ADCY3: variants seen among roughly 807,000 people sequenced by gnomAD.
The protein encoded by ADCY3 is adenylate cyclase type 3.
Under a neutral mutation model 119.4 loss-of-function variants are expected in ADCY3, and 70 were observed. The ratio of observed to expected loss-of-function variants is 0.59; its 90% confidence interval spans 0.48 to 0.72. ADCY3 has a LOEUF of 0.72. Ranked by LOEUF, ADCY3 falls within the 30% of genes least tolerant of loss-of-function variation. ADCY3 has a pLI of 0.00. For missense variants in ADCY3, 1,238 were observed against 1,541.6 expected (o/e 0.80, Z 3.30); for synonymous variants, 672 against 621.4 (o/e 1.08, Z -1.21).
intron 3 of ADCY3, among the ~76,000 whole-genome samples, chr2:24,861,350 G>T: frequency 6.6e-6 from 1 of 151,834 alleles, no homozygotes; most frequent in South Asian, 2.1e-4. Flanking sequence ...TTTTTGCAGA[G>T]GGTAGATTAA....
intron 3 of ADCY3, among the ~76,000 whole-genome samples, chr2:24,849,786 A>AG (rs1272142446): frequency 6.6e-6 from 1 of 152,060 alleles, no homozygotes; most frequent in African/African-American, 2.4e-5. Flanking sequence ...AGGCCCACGG[A>AG]GGGAGGGGCC....
At position 24,842,585 on chromosome 2, in the gene ADCY3, G is replaced by A; in HGVS notation, c.826-201C>T. On this transcript the variant is annotated intron_variant, in intron 3 of 21. Coordinates refer to ENST00000679454, the MANE Select transcript of ADCY3 (RefSeq NM_004036.5). This position sits in a 1 kb window ranked among gnomAD's most constrained non-coding sequence, Gnocchi z 4.9. ...GCTTCTGGCCCTGACAAGGCTGAGG[G>A]TGGCAATGGCCCCTTCAGAGCAACT... 1.6e-6 allele frequency: 1 copy of A among 630,666 alleles called. No individual in the cohort carries two copies. Among genetic ancestry groups the A allele is most frequent in the Non-Finnish European group, 2.7e-6 (1 of 373,438 alleles). 39.1% of individuals were successfully genotyped at this position (630,666 alleles called of 1,614,324 possible). A position where few individuals can be genotyped will look rare whatever the true frequency, so the allele number is the denominator to read the frequency against.
chr2:24,859,697 G>A (rs1288195172), intron 3 of ADCY3, among the ~76,000 whole-genome samples: 3 of 152,198 alleles, frequency 2.0e-5, no homozygotes, highest in Non-Finnish European at 4.4e-5. Flanking sequence ...GTCAATGGGC[G>A]GTTCTTCCCT....
chr2:24,901,329 C>T (rs1427519926), intron 2 of ADCY3, among the ~76,000 whole-genome samples: 3 of 152,204 alleles, frequency 2.0e-5, no homozygotes, highest in African/African-American at 7.2e-5. Context: ...AGTCCCAAAC[C>T]TGTTTATGCC....
At chr2:24,913,303 C>T (rs114168565) in intron 2 of ADCY3, among the ~76,000 whole-genome samples, 179 of 136,370 alleles carry the variant, frequency 1.3e-3, no homozygotes, top group African/African-American at 5.5e-3. Context: ...CAGGGAACAT[C>T]GTCATGGGCT....
Position 24,826,071 on chromosome 2 carries a change from G to A in ADCY3, c.2551C>T (p.Leu851Phe). Reference protein sequence around the residue: ...SMTVMVFLMMLSFYYFSRHVE... With the variant: ...SMTVMVFLMMFSFYYFSRHVE... ...TGGCGGGAGAAGTAGTAGAAGCTGA[G>A]CATCATGAGGAACACCATCACCGTC... The change falls in exon 16 of 22, where the codon CTC becomes TTC. Residue 851 changes from leucine (L) to phenylalanine (F), a missense_variant. This residue lies in a region of ADCY3 where 499 missense variants were observed against 571.0 expected (regional missense o/e 0.87). Transcript: ENST00000679454. 1 of 1,614,150 alleles carries A rather than the reference G, an allele frequency of 6.2e-7. No homozygotes were observed.
At chr2:24,835,641 C>G (rs933402696) in intron 9 of ADCY3, among the ~76,000 whole-genome samples, 1 of 152,126 alleles carries the variant, frequency 6.6e-6, no homozygotes, top group African/African-American at 2.4e-5. Flanking sequence ...GAGCCACAGT[C>G]ACGACTCCCT....
chr2:24,889,790 C>T (rs948193086), intron 2 of ADCY3, among the ~76,000 whole-genome samples: 1 of 152,216 alleles, frequency 6.6e-6, no homozygotes, highest in African/African-American at 2.4e-5. Flanking sequence ...GAGCCAAGGT[C>T]GCGCCATTGC....
At chr2:24,890,940 C>T (rs950488199) in intron 2 of ADCY3, among the ~76,000 whole-genome samples, 6 of 151,928 alleles carry the variant, frequency 3.9e-5, no homozygotes, top group East Asian at 1.9e-4. Context: ...GGCACGATCT[C>T]GGCTCACTGC....
At chr2:24,879,319 G>T (rs1251546806) in intron 2 of ADCY3, among the ~76,000 whole-genome samples, 3 of 151,890 alleles carry the variant, frequency 2.0e-5, no homozygotes, top group Non-Finnish European at 4.4e-5. Context: ...AAAAAAAAAT[G>T]CAAAAAGTTA....
Position 24,824,449 on chromosome 2 carries a change from C to T in ADCY3, c.2665G>A (p.Glu889Lys), listed in dbSNP as rs769120427. 1.5e-5 allele frequency: 25 copies of T among 1,614,138 alleles called. No homozygotes were observed. The highest frequency in any genetic ancestry group is 1.7e-5 in the Non-Finnish European group (20 of 1,180,056). ...GGCAACATGTTGGTGACCAAGGCCTCGTTCCAGCGTCGCATCTCATAGACA... is the reference window on the plus strand; with the variant it reads ...GGCAACATGTTGGTGACCAAGGCCTTGTTCCAGCGTCGCATCTCATAGACA... The part of the protein sequence containing the change: ...ERVYEMRRWN[E>K]ALVTNMLPEH... Residue 889 changes from glutamate (E) to lysine (K), a missense_variant, in exon 17 of 22, where the codon GAG (glutamate) becomes AAG (lysine). Coordinates refer to ENST00000679454, the MANE Select transcript of ADCY3 (RefSeq NM_004036.5).
chr2:24,821,397 G>A (rs557905666), intron 20 of ADCY3, 120 bp downstream of exon 20: 199 of 1,435,338 alleles, frequency 1.4e-4, no homozygotes, highest in Admixed American at 4.2e-4. Flanking sequence ...CTGTGAGTGC[G>A]TGAACCTCCC....
chr2:24,851,258 C>T (rs766622340), intron 3 of ADCY3, among the ~76,000 whole-genome samples: 25 of 152,022 alleles, frequency 1.6e-4, no homozygotes, highest in Non-Finnish European at 3.2e-4. Context: ...AGACACACAG[C>T]CAAAATGGGG....
rs761991190 is a variant in ADCY3 at position 24,878,491 on chromosome 2, G to A, written c.676-5772C>T. ...ACTCTGGAACTGTGGAGAAGAAGCT[G>A]AGCAAGAGAAAGCTGCTCAGGGTGC... On this transcript the variant is annotated intron_variant, in intron 2 of 21. Coordinates refer to ENST00000679454, the MANE Select transcript of ADCY3 (RefSeq NM_004036.5). The surrounding 1 kb of genome is among the most constrained non-coding windows in gnomAD (Gnocchi z 4.0). Among the ~76,000 whole-genome samples, 18 of 152,190 alleles carry A rather than the reference G, an allele frequency of 1.2e-4. No individual in the cohort carries two copies. The highest frequency in any genetic ancestry group is 1.5e-4 in the Non-Finnish European group (10 of 68,018).
chr2:24,825,929 C>T, intron 16 of ADCY3, 116 bp downstream of exon 16: 1 of 966,828 alleles, frequency 1.0e-6, no homozygotes. Context: ...ACGTGTGGGG[C>T]TGGGTGAAGG....
At chr2:24,879,335 G>C (rs1421377672) in intron 2 of ADCY3, among the ~76,000 whole-genome samples, 1 of 151,814 alleles carries the variant, frequency 6.6e-6, no homozygotes, top group African/African-American at 2.4e-5. Flanking sequence ...AGTTAGCCAG[G>C]CGTGGTGGGC....
chr2:24,912,116 G>A (rs1181150944), intron 2 of ADCY3, among the ~76,000 whole-genome samples: 1 of 152,170 alleles, frequency 6.6e-6, no homozygotes, highest in East Asian at 1.9e-4. Context: ...ATGTGTCTCT[G>A]AGTCTCCGTG....
chr2:24,822,286 T>C, intron 19 of ADCY3: 1 of 530,830 alleles, frequency 1.9e-6, no homozygotes, highest in Non-Finnish European at 3.2e-6. Context: ...ACAACCATCT[T>C]AGGCCTGAGC....
At chr2:24,832,935 G>A (rs1008610986) in intron 11 of ADCY3, among the ~76,000 whole-genome samples, 4 of 152,148 alleles carry the variant, frequency 2.6e-5, no homozygotes, top group Non-Finnish European at 5.9e-5. Context: ...CAGAAGCCCA[G>A]GAGACATCCT....
Sources: gnomAD v4.1 joint callset for allele counts (sites outside exome capture counted in the v4.1 genomes callset) on GRCh38, gnomAD v4.1.1 for gene constraint, gnomAD v4.1.1 regional missense constraint, Gnocchi (gnomAD v3.1) non-coding constraint, MANE v1.5 for transcripts, NCBI Gene and HGNC (gene_info 2026-07-23, HGNC 2026-07-21) for gene names.